MARK3: variants seen among roughly 807,000 people sequenced by gnomAD.
The protein encoded by MARK3 is MAP/microtubule affinity-regulating kinase 3.
A neutral mutation model predicts 90.1 loss-of-function variants in MARK3; 46 were observed. The ratio of observed to expected loss-of-function variants is 0.51; its 90% CI spans 0.40 to 0.65. MARK3 has a LOEUF of 0.65. Among genes scored for constraint, MARK3 ranks in the 30% least tolerant of loss-of-function variants. The pLI is 0.00. For missense variants in MARK3, 818 were observed against 947.2 expected (o/e 0.86, Z 1.79); for synonymous variants, 321 against 332.6 (o/e 0.97, Z 0.38).
At position 103,480,505 on chromosome 14, in the gene MARK3, C is replaced by G; in HGVS notation, c.1586+15C>G. 1 of 1,522,912 alleles carries G rather than the reference C, an allele frequency of 6.6e-7. No homozygotes were observed. The highest frequency in any genetic ancestry group is 9.0e-7 in the Non-Finnish European group (1 of 1,105,384). 94.3% of individuals were successfully genotyped at this position (1,522,912 alleles called of 1,614,324 possible). A position where few individuals can be genotyped will look rare whatever the true frequency, so the allele number is the denominator to read the frequency against. ...AAAGAAAACAGGTAGGAGATTCTAC[C>G]TGTTTGTAAGAAAAGTTGTTTTTCC... On this transcript the variant is annotated intron_variant, in intron 14 of 17. Coordinates refer to ENST00000429436, the MANE Select transcript of MARK3 (RefSeq NM_001128918.3).
Position 103,466,059 on chromosome 14 carries a change from G to T in MARK3, c.865G>T (p.Val289Leu). The change falls in exon 9 of 18, where the codon GTG becomes TTG. Residue 289 changes from valine (V) to leucine (L), a missense_variant. This residue lies in a region of MARK3 where 560 missense variants were observed against 613.5 expected (regional missense o/e 0.91). Coordinates refer to ENST00000429436, the MANE Select transcript of MARK3 (RefSeq NM_001128918.3). ...TGAAAACCTTCTCAAACGTTTCCTG[G>T]TGCTAAATCCAATTAAACGCGGCAC... ...DCENLLKRFL[V>L]LNPIKRGTLE... 1.2e-6 allele frequency: 2 copies of T among 1,613,932 alleles called. No individual in the cohort carries two copies. The highest frequency in any genetic ancestry group is 2.2e-5 in the South Asian group (2 of 91,066).
intron 7 of MARK3, among the ~76,000 whole-genome samples, 179 bp from the exon 8 acceptor site, chr14:103,465,378 A>G (rs1349223926): frequency 6.6e-6 from 1 of 152,232 alleles, no homozygotes; most frequent in Non-Finnish European, 1.5e-5. Context: ...TATTGTTAAT[A>G]TTATAAAATA....
intron 12 of MARK3, among the ~76,000 whole-genome samples, chr14:103,472,825 T>C (rs1267720725): frequency 6.6e-6 from 1 of 151,736 alleles, no homozygotes; most frequent in Non-Finnish European, 1.5e-5. Flanking sequence ...GCCAACATGG[T>C]GAAACCCCGT....
chr14:103,426,388 A>C (rs1284940949), intron 2 of MARK3, among the ~76,000 whole-genome samples: 2 of 152,020 alleles, frequency 1.3e-5, no homozygotes, highest in Non-Finnish European at 2.9e-5. Context: ...AGGGACCAAA[A>C]AGTGTGAGAA....
At chr14:103,406,225 G>C (rs1479162693) in intron 2 of MARK3, among the ~76,000 whole-genome samples, 1 of 151,022 alleles carries the variant, frequency 6.6e-6, no homozygotes, top group Non-Finnish European at 1.5e-5. Flanking sequence ...TGGGGGGTTA[G>C]GGGGGTGTCG....
At chr14:103,491,644 C>A in intron 14 of MARK3, 133 bp from the exon 15 acceptor site, 1 of 896,582 alleles carries the variant, frequency 1.1e-6, no homozygotes. Flanking sequence ...CCTTTTGCTC[C>A]TAAGTCCTAT....
At chr14:103,427,634 G>T (rs2092454635) in intron 2 of MARK3, among the ~76,000 whole-genome samples, 1 of 152,104 alleles carries the variant, frequency 6.6e-6, no homozygotes, top group East Asian at 1.9e-4. Flanking sequence ...GAGCTTTCTG[G>T]GAAAAGGGCA....
At chr14:103,438,761 A>G (rs890717422) in intron 3 of MARK3, among the ~76,000 whole-genome samples, 11 of 151,888 alleles carry the variant, frequency 7.2e-5, no homozygotes, top group African/African-American at 2.2e-4. Context: ...TGGGTGACCA[A>G]GGCAGGCAGA....
chr14:103,415,231 CA>C (rs2091895403), intron 2 of MARK3, among the ~76,000 whole-genome samples: 1 of 122,670 alleles, frequency 8.2e-6, no homozygotes. Context: ...ATTTAACAAA[CA>C]TGTTGGAATA....
intron 3 of MARK3, among the ~76,000 whole-genome samples, chr14:103,439,558 G>A (rs1358384516): frequency 2.6e-5 from 4 of 151,902 alleles, no homozygotes; most frequent in Admixed American, 6.6e-5. Context: ...ACAGGCGTGC[G>A]CCACCACACC....
At chr14:103,435,700 G>C (rs1161548238) in intron 3 of MARK3, among the ~76,000 whole-genome samples, 1 of 151,806 alleles carries the variant, frequency 6.6e-6, no homozygotes, top group African/African-American at 2.4e-5. Context: ...GAGCCACCAC[G>C]CCCGGCCTAT....
rs757596077 is a variant in MARK3, at chr14:103,491,844, C to T, written c.1654C>T (p.Arg552Ter). Residue 552 changes from arginine to a stop codon, truncating the protein, a stop_gained, in exon 15 of 18, where the codon CGA becomes TGA. Transcript: ENST00000429436. LOFTEE classifies it high-confidence loss of function. ...TATCAGTAGTGCAGCCACCCCAGAT[C>T]GAATCCGCTTCCCAAGAGGCACTGC... is the stretch of plus-strand genomic sequence containing the variant. ...HSISSAATPD[R>*]IRFPRGTASR... 2.5e-6 allele frequency: 4 copies of T among 1,614,214 alleles called. No homozygotes were observed. The highest frequency in any genetic ancestry group is 1.1e-5 in the South Asian group (1 of 91,082).
At chr14:103,485,210 A>G (rs1173204092) in intron 14 of MARK3, among the ~76,000 whole-genome samples, 1 of 149,568 alleles carries the variant, frequency 6.7e-6, no homozygotes, top group African/African-American at 2.4e-5. Flanking sequence ...AGCCTGGGCA[A>G]CAAGAGCAAA....
In MARK3 at chr14:103,450,921, C is replaced by CTTTT. The variant is rs869030067; in HGVS notation, c.347-973_347-970dup. Among the ~76,000 whole-genome samples the CTTTT allele has an allele frequency of 6.8e-4, 36 of 52,638 alleles. 6 individuals are homozygous for CTTTT. The highest frequency in any genetic ancestry group is 1.0e-3 in the Non-Finnish European group (29 of 28,712). The allele number at this position is 52,638 out of a possible 152,430, so 34.5% of individuals were successfully genotyped here. On this transcript the variant is annotated intron_variant, in intron 4 of 17. Transcript: ENST00000429436. ...GTGTGTGTGTGTGTGTGTGTGTATT[C>CTTTT]TTTTTTTTTTTTTTTTTTTTTTTTT...
chr14:103,480,906 A>G (rs758721199), intron 14 of MARK3, among the ~76,000 whole-genome samples: 6 of 152,246 alleles, frequency 3.9e-5, no homozygotes, highest in South Asian at 2.1e-4. Context: ...ACCAGGTAGC[A>G]TTAAAGGTCC....
chr14:103,432,045 A>G (rs900033202), intron 3 of MARK3, among the ~76,000 whole-genome samples: 6 of 149,148 alleles, frequency 4.0e-5, no homozygotes, highest in African/African-American at 1.5e-4. Flanking sequence ...CCTTAATTCC[A>G]GTCTTTTGGG....
intron 1 of MARK3, among the ~76,000 whole-genome samples, chr14:103,390,334 G>T (rs2090154293): frequency 6.6e-6 from 1 of 152,198 alleles, no homozygotes. Context: ...GACTCAGAGA[G>T]GTGACAAAGG....
intron 2 of MARK3, among the ~76,000 whole-genome samples, chr14:103,419,587 A>G (rs993540421): frequency 6.6e-6 from 1 of 152,184 alleles, no homozygotes; most frequent in Non-Finnish European, 1.5e-5. Flanking sequence ...CTGCATTCAC[A>G]CTATTTAAGT....
At chr14:103,478,548 CTTT>C (rs755656185) in intron 13 of MARK3, among the ~76,000 whole-genome samples, 2 of 144,940 alleles carry the variant, frequency 1.4e-5, no homozygotes. Flanking sequence ...TTTCTTTTCC[CTTT>C]TTTTTTTTTT....
Sources: allele counts gnomAD v4.1 joint callset (sites outside exome capture counted in the v4.1 genomes callset), GRCh38; gene constraint gnomAD v4.1.1; regional missense constraint gnomAD v4.1.1; transcripts MANE v1.5; gene names NCBI Gene and HGNC (gene_info 2026-07-23, HGNC 2026-07-21).